ZC2HC1A: variants seen among roughly 807,000 people sequenced by gnomAD.
ZC2HC1A encodes zinc finger C2HC-type containing 1A, also known as zinc finger C2HC domain-containing protein 1A.
A neutral mutation model predicts 40.7 loss-of-function variants in ZC2HC1A; 28 were observed. The observed-to-expected ratio is 0.69, with a 90% CI of 0.51 to 0.94. The LOEUF (loss-of-function observed/expected upper bound fraction) is 0.94, where lower values mean the gene tolerates loss of function less well. Ranked by LOEUF, ZC2HC1A falls within the 40% of genes least tolerant of loss-of-function variation. The pLI is 0.00. For missense variants in ZC2HC1A, 389 were observed against 386.3 expected, an observed-to-expected ratio of 1.01 and a Z score of -0.06; for synonymous variants, 129 against 129.2, an observed-to-expected ratio of 1.00 and a Z score of 0.01.
intron 3 of ZC2HC1A, among the ~76,000 whole-genome samples, chr8:78,684,510 T>G (rs1585990754): frequency 6.6e-6 from 1 of 152,310 alleles, no homozygotes; most frequent in African/African-American, 2.4e-5. Context: ...GGAGCTACAA[T>G]TCAAGATGAG....
chr8:78,717,230 CA>C (rs1811134603), intron 8 of ZC2HC1A, 97 bp from the exon 9 acceptor site: 1 of 1,065,874 alleles, frequency 9.4e-7, no homozygotes, highest in Admixed American at 2.9e-5. Flanking sequence ...CGAGATTAAG[CA>C]GGCTAATTGT....
intron 7 of ZC2HC1A, among the ~76,000 whole-genome samples, chr8:78,712,564 A>G (rs909481607): frequency 6.6e-6 from 1 of 152,178 alleles, no homozygotes; most frequent in Non-Finnish European, 1.5e-5. Context: ...TTTCAATCCA[A>G]GGGTCCTTAG....
chr8:78,687,076 T>G (rs961681417), intron 4 of ZC2HC1A, among the ~76,000 whole-genome samples: 4 of 152,142 alleles, frequency 2.6e-5, no homozygotes, highest in Non-Finnish European at 5.9e-5. Flanking sequence ...ATTTGTATAT[T>G]GTTAAATTTT....
chr8:78,668,964 C>T lies in ZC2HC1A; in HGVS notation c.16+2800C>T, dbSNP rs1585971839. 2.0e-5 allele frequency among the ~76,000 whole-genome samples: 3 copies of T among 152,096 alleles called. No homozygotes were observed. In the South Asian group the frequency reaches 6.2e-4, roughly 32 times the overall value. Reference sequence around the variant, plus strand: ...GGCAGAGATCAGACTGTCCGTTCCTCTTGTGGATTGTTGAAATTATTAGAT... The same window carrying T: ...GGCAGAGATCAGACTGTCCGTTCCTTTTGTGGATTGTTGAAATTATTAGAT... On this transcript the variant is annotated intron_variant, in intron 1 of 8. Coordinates refer to ENST00000263849, the MANE Select transcript of ZC2HC1A (RefSeq NM_016010.3).
At chr8:78,706,366 G>A (rs183624672) in intron 7 of ZC2HC1A, among the ~76,000 whole-genome samples, 289 of 152,238 alleles carry the variant, frequency 1.9e-3, no homozygotes, top group Non-Finnish European at 3.1e-3. Context: ...TGGGAAGTTT[G>A]GAGTTCCTGG....
chr8:78,669,256 C>A (rs1809378770), intron 1 of ZC2HC1A, among the ~76,000 whole-genome samples: 1 of 152,012 alleles, frequency 6.6e-6, no homozygotes, highest in Non-Finnish European at 1.5e-5. Context: ...TTCTTTTTAG[C>A]TCTATGATTT....
chr8:78,672,481 G>A (rs890354565), intron 1 of ZC2HC1A, among the ~76,000 whole-genome samples: 1 of 151,998 alleles, frequency 6.6e-6, no homozygotes, highest in Non-Finnish European at 1.5e-5. Context: ...AAGAGAAAAC[G>A]ATTTTTTTTA....
At chr8:78,684,965 A>C (rs1175984116) in intron 3 of ZC2HC1A, among the ~76,000 whole-genome samples, 1 of 152,212 alleles carries the variant, frequency 6.6e-6, no homozygotes, top group African/African-American at 2.4e-5. Flanking sequence ...ATTTTTAAAA[A>C]TTAGACAAGT....
intron 4 of ZC2HC1A, among the ~76,000 whole-genome samples, chr8:78,687,962 T>TTATATATAAATATATATAAATTA (rs1810078558): frequency 6.9e-6 from 1 of 144,458 alleles, no homozygotes; most frequent in Non-Finnish European, 1.5e-5. Flanking sequence ...ATATCTATAT[T>TTATATATAAATATATATAAATTA]TATATATAAA....
At chr8:78,688,837 T>C (rs1810110750) in intron 4 of ZC2HC1A, among the ~76,000 whole-genome samples, 1 of 152,142 alleles carries the variant, frequency 6.6e-6, no homozygotes, top group Non-Finnish European at 1.5e-5. Context: ...AAATGTATTT[T>C]AACGTCATGT....
At position 78,717,357 on chromosome 8, in the gene ZC2HC1A, A is replaced by C. The variant is rs767253867; in HGVS notation, c.842A>C (p.Asn281Thr). ...GATGGGGACTGTGCATCTTCCCTTA[A>C]TGGTGGAAATATTAAAGGCATTGAA... ...RPDGDCASSL[N>T]GGNIKGIEGH... Residue 281 changes from asparagine to threonine, a missense_variant, in exon 9 of 9, where the codon AAT becomes ACT. Transcript: ENST00000263849. The C allele has an allele frequency of 1.2e-6, 2 of 1,611,498 alleles. No individual in the cohort carries two copies. Among genetic ancestry groups the C allele is most frequent in the Non-Finnish European group, 1.7e-6 (2 of 1,179,306 alleles).
At chr8:78,691,121 G>A (rs1810198108) in intron 5 of ZC2HC1A, among the ~76,000 whole-genome samples, 1 of 152,136 alleles carries the variant, frequency 6.6e-6, no homozygotes, top group Non-Finnish European at 1.5e-5. Context: ...TAGAGGTGAT[G>A]ACAGTGGACC....
intron 5 of ZC2HC1A, among the ~76,000 whole-genome samples, chr8:78,693,942 T>C (rs1810309200): frequency 6.6e-6 from 1 of 152,204 alleles, no homozygotes; most frequent in Non-Finnish European, 1.5e-5. Flanking sequence ...GTTTCAGCTT[T>C]CTACATATGG....
Position 78,718,036 on chromosome 8 carries a change from C to G in ZC2HC1A, c.*543C>G, listed in dbSNP as rs140611881. The stretch of plus-strand genomic sequence containing the variant: ...ATGTCAACAAATTATTTCATAAATC[C>G]GAAAAACTAAGAGAAAAAAAAACCC... On this transcript the variant is annotated 3_prime_UTR_variant, in exon 9 of 9. Transcript: ENST00000263849. 1.3e-5 allele frequency: 2 copies of G among 151,464 alleles called. No individual in the cohort carries two copies. Among genetic ancestry groups the G allele is most frequent in the African/African-American group, 4.8e-5 (2 of 41,350 alleles). The allele number at this position is 151,464 out of a possible 1,614,324, so 9.4% of individuals were successfully genotyped here.
chr8:78,691,890 A>G (rs945604449), intron 5 of ZC2HC1A, among the ~76,000 whole-genome samples: 2 of 152,096 alleles, frequency 1.3e-5, no homozygotes, highest in Non-Finnish European at 2.9e-5. Context: ...CCTTATTTAT[A>G]TATTTATTGA....
chr8:78,717,139 A>G (rs77281638), intron 8 of ZC2HC1A, among the ~76,000 whole-genome samples, 189 bp from the exon 9 acceptor site: 2,407 of 152,250 alleles, frequency 0.016, 56 homozygotes, highest in African/African-American at 0.055. Context: ...ACAGATAAAT[A>G]TAATGTTAAA....
At chr8:78,666,656 G>T (rs1809307862) in intron 1 of ZC2HC1A, among the ~76,000 whole-genome samples, 2 of 152,092 alleles carry the variant, frequency 1.3e-5, no homozygotes, top group African/African-American at 4.8e-5. Flanking sequence ...TTTACATTTC[G>T]ACAGCATCTT....
chr8:78,686,708 G>A, intron 4 of ZC2HC1A, 100 bp downstream of exon 4: 1 of 1,224,446 alleles, frequency 8.2e-7, no homozygotes, highest in Non-Finnish European at 1.1e-6. Context: ...CAATCATGGA[G>A]TGTTATGAGG....
chr8:78,686,492 A>G lies in ZC2HC1A; in HGVS notation c.236A>G (p.Asn79Ser). Residue 79 changes from asparagine to serine, a missense_variant, in exon 4 of 9, where the codon AAT becomes AGT. Asn to Ser is a conservative substitution (Grantham distance 46). Transcript: ENST00000263849. The part of the protein sequence containing the change: ...PRPEPPKKPS[N>S]WRRKHEEFIA... ...CCAGAACCACCAAAGAAACCATCTA[A>G]TTGGAGAAGGAAACATGAAGAATTC... The G allele has an allele frequency of 6.5e-7, 1 of 1,531,504 alleles. No homozygotes were observed. 94.9% of individuals were successfully genotyped at this position (1,531,504 alleles called of 1,614,324 possible). A position where few individuals can be genotyped will look rare whatever the true frequency, so the allele number is the denominator to read the frequency against.
Sources: allele counts gnomAD v4.1 joint callset (sites outside exome capture counted in the v4.1 genomes callset), GRCh38; gene constraint gnomAD v4.1.1; transcripts MANE v1.5; gene names NCBI Gene and HGNC (gene_info 2026-07-23, HGNC 2026-07-21).